The following SMG6 variants were observed in gnomAD, a reference collection of about 807,000 sequenced individuals.
SMG6 encodes telomerase-binding protein EST1A.
Under a neutral mutation model 142.2 loss-of-function variants are expected in SMG6, and 66 were observed. That is an observed-to-expected ratio of 0.46 (90% CI 0.38 to 0.57). SMG6 has a LOEUF of 0.57. SMG6 is among the 20% of genes least tolerant of loss of function. The pLI is 0.00. For synonymous variants in SMG6, 779 were observed against 702.4 expected, an observed-to-expected ratio of 1.11 and a Z score of -1.72; for missense variants, 1,793 against 1,832.0, an observed-to-expected ratio of 0.98 and a Z score of 0.39.
chr17:2,197,857 T>C (rs890426135), intron 10 of SMG6, among the ~76,000 whole-genome samples: 5 of 152,128 alleles, frequency 3.3e-5, no homozygotes, highest in African/African-American at 7.2e-5. Flanking sequence ...TGCTGGGAAA[T>C]TGGATCACAT....
At chr17:2,244,500 A>T (rs1881530811) in intron 9 of SMG6, among the ~76,000 whole-genome samples, 158 bp downstream of exon 9, 1 of 152,230 alleles carries the variant, frequency 6.6e-6, no homozygotes, top group Non-Finnish European at 1.5e-5. Flanking sequence ...TCATGAGCAC[A>T]GTAGGACAGA....
chr17:2,236,418 T>C, intron 10 of SMG6, 74 bp downstream of exon 10: 2 of 1,493,298 alleles, frequency 1.3e-6, no homozygotes, highest in South Asian at 2.6e-5. Flanking sequence ...ATGGTAGGTA[T>C]GGTAACACAA....
intron 12 of SMG6, among the ~76,000 whole-genome samples, chr17:2,177,543 C>G (rs2071685824): frequency 6.6e-6 from 1 of 152,158 alleles, no homozygotes; most frequent in Non-Finnish European, 1.5e-5. Context: ...GTACAATGAC[C>G]CCATGTTACA....
intron 10 of SMG6, among the ~76,000 whole-genome samples, chr17:2,234,085 G>A (rs1320015317): frequency 1.3e-5 from 2 of 152,050 alleles, no homozygotes; most frequent in African/African-American, 2.4e-5. Flanking sequence ...TCTCAAGTAC[G>A]GGCTTTATTT....
At chr17:2,124,679 G>C (rs2069814113) in intron 13 of SMG6, among the ~76,000 whole-genome samples, 2 of 152,164 alleles carry the variant, frequency 1.3e-5, no homozygotes, top group Admixed American at 1.3e-4. Context: ...TTAGAGAGAA[G>C]CTGGGGAAGG....
chr17:2,287,628 C>T (rs933838339), intron 6 of SMG6, among the ~76,000 whole-genome samples: 2 of 151,976 alleles, frequency 1.3e-5, no homozygotes, highest in African/African-American at 4.8e-5. Context: ...TTCACAATAG[C>T]CAACAGATGG....
intron 13 of SMG6, among the ~76,000 whole-genome samples, chr17:2,167,409 A>G (rs1411015306): frequency 6.6e-6 from 1 of 152,238 alleles, no homozygotes; most frequent in Non-Finnish European, 1.5e-5. Flanking sequence ...CTAATGTATC[A>G]GGACAGCAGA....
At chr17:2,165,742 A>G (rs1209816868) in intron 13 of SMG6, among the ~76,000 whole-genome samples, 1 of 152,114 alleles carries the variant, frequency 6.6e-6, no homozygotes, top group Admixed American at 6.6e-5. Flanking sequence ...CCTCTAATAA[A>G]AAAGTAAAAA....
intron 12 of SMG6, among the ~76,000 whole-genome samples, chr17:2,180,714 G>C (rs1994884): frequency 6.6e-6 from 1 of 151,882 alleles, no homozygotes; most frequent in East Asian, 1.9e-4. Flanking sequence ...TAAGGAAAGA[G>C]GGTAACAAAT....
chr17:2,210,768 A>C (rs1210584517), intron 10 of SMG6, among the ~76,000 whole-genome samples: 1 of 146,442 alleles, frequency 6.8e-6, no homozygotes, highest in Non-Finnish European at 1.5e-5. Context: ...TTAAAAAAAA[A>C]TAAAATAAAA....
rs765392996 is a variant in SMG6, at chr17:2,183,372, T to C, written c.3155+3291A>G. Among the ~76,000 whole-genome samples the C allele has an allele frequency of 1.0e-3, 152 of 152,228 alleles. 1 individual carries two copies. The highest frequency in any genetic ancestry group is 2.4e-3 in the Admixed American group (37 of 15,302). On this transcript the variant is annotated intron_variant, in intron 12 of 18. Transcript: ENST00000263073. The stretch of plus-strand genomic sequence containing the variant: ...ACAGAGATGGAGCCTACACGCACAG[T>C]TGTACAAACATGAACACACACAGTG...
chr17:2,106,313 C>T (rs546663740), intron 13 of SMG6, among the ~76,000 whole-genome samples: 3 of 152,266 alleles, frequency 2.0e-5, no homozygotes, highest in African/African-American at 7.2e-5. Flanking sequence ...CTGCACATGC[C>T]ATTGTTCCAT....
intron 10 of SMG6, among the ~76,000 whole-genome samples, chr17:2,202,161 A>G (rs969234915): frequency 7.2e-5 from 11 of 152,258 alleles, no homozygotes; most frequent in African/African-American, 2.7e-4. Flanking sequence ...ACTGGAGGAG[A>G]AAACACCAAA....
chr17:2,157,838 G>C (rs565223546), intron 13 of SMG6, among the ~76,000 whole-genome samples: 9 of 152,180 alleles, frequency 5.9e-5, no homozygotes, highest in Admixed American at 5.9e-4. Context: ...TTTGTAACCT[G>C]TATTTCAAAT....
At chr17:2,067,119 T>A (rs993267277) in intron 16 of SMG6, among the ~76,000 whole-genome samples, 2 of 152,216 alleles carry the variant, frequency 1.3e-5, no homozygotes, top group African/African-American at 2.4e-5. Flanking sequence ...CCTGTATGGC[T>A]GTAGCACAAC....
At chr17:2,156,934 T>C (rs1327636963) in intron 13 of SMG6, among the ~76,000 whole-genome samples, 1 of 152,218 alleles carries the variant, frequency 6.6e-6, no homozygotes, top group Non-Finnish European at 1.5e-5. Flanking sequence ...ATTACAGGCA[T>C]GGTGTCACCG....
chr17:2,094,103 A>C (rs997723569), intron 13 of SMG6, among the ~76,000 whole-genome samples: 2 of 152,220 alleles, frequency 1.3e-5, no homozygotes, highest in Non-Finnish European at 2.9e-5. Context: ...GCTTCGGAAC[A>C]AGCGGGCCAC....
intron 13 of SMG6, among the ~76,000 whole-genome samples, chr17:2,130,266 C>CAAAAAAA (rs903007543): frequency 0.029 from 1,129 of 39,302 alleles, 173 homozygotes; most frequent in African/African-American, 0.048. Flanking sequence ...GACTCCGTCT[C>CAAAAAAA]AAAAAAAAAA....
chr17:2,068,950 G>A lies in SMG6; in HGVS notation c.3682-19C>T, dbSNP rs757306512. ...GGACAGCCTATGGGGACAGAGTGGT[G>A]AATGAGCCAGACAGCGAGCAGGCAA... On this transcript the variant is annotated intron_variant, in intron 15 of 18. Transcript: ENST00000263073. This position sits in a 1 kb window ranked among gnomAD's most constrained non-coding sequence, Gnocchi z 6.7. The A allele has an allele frequency of 2.5e-6, 4 of 1,612,160 alleles. No homozygotes were observed. In the African/African-American group the frequency reaches 5.3e-5, roughly 21 times the overall value.
Sources: gnomAD v4.1 joint callset for allele counts (sites outside exome capture counted in the v4.1 genomes callset) on GRCh38, gnomAD v4.1.1 for gene constraint, Gnocchi (gnomAD v3.1) non-coding constraint, MANE v1.5 for transcripts, NCBI Gene and HGNC (gene_info 2026-07-23, HGNC 2026-07-21) for gene names.